CBFB: variants seen among roughly 807,000 people sequenced by gnomAD.
CBFB encodes core-binding factor subunit beta.
A neutral mutation model predicts 30.4 loss-of-function variants in CBFB; 9 were observed. The ratio of observed to expected loss-of-function variants is 0.30; its 90% confidence interval spans 0.18 to 0.52. CBFB has a LOEUF of 0.52. Ranked by LOEUF, CBFB falls within the 20% of genes least tolerant of loss-of-function variation. The pLI is 0.97. For missense variants in CBFB, 170 were observed against 244.0 expected (o/e 0.70, Z 2.02); for synonymous variants, 94 against 84.0 (o/e 1.12, Z -0.65).
At chr16:67,068,863 AAT>A (rs1326844782) in intron 4 of CBFB, among the ~76,000 whole-genome samples, 6 of 152,218 alleles carry the variant, frequency 3.9e-5, no homozygotes, top group African/African-American at 1.4e-4. Context: ...GGCAGTGACT[AAT>A]TAAGTAGAGT....
intron 3 of CBFB, among the ~76,000 whole-genome samples, chr16:67,060,131 C>T (rs1358057822): frequency 6.6e-6 from 1 of 151,984 alleles, no homozygotes; most frequent in Non-Finnish European, 1.5e-5. Flanking sequence ...TTGTGTGACA[C>T]CACACCTGGC....
rs540208612 is a variant in CBFB, at chr16:67,045,529, T to C, written c.282+8774T>C. Among the ~76,000 whole-genome samples the C allele has an allele frequency of 4.6e-3, 702 of 151,334 alleles. 4 individuals carry two copies. Among genetic ancestry groups the C allele is most frequent in the Non-Finnish European group, 8.1e-3 (546 of 67,802 alleles). On this transcript the variant is annotated intron_variant, in intron 3 of 5. Coordinates refer to ENST00000412916, the MANE Select transcript of CBFB (RefSeq NM_022845.3). ...AAGACTCTGTCTGAAAAAAAAAAAATTAAAATGTTTTAAAATTAGTATGTC... is the reference window on the plus strand; with the variant it reads ...AAGACTCTGTCTGAAAAAAAAAAAACTAAAATGTTTTAAAATTAGTATGTC...
At position 67,099,139 on chromosome 16, in the gene CBFB, G is replaced by C. The variant is rs963216543; in HGVS notation, c.*361G>C. The C allele has an allele frequency of 8.1e-5, 21 of 258,772 alleles. No homozygotes were observed. Among genetic ancestry groups the C allele is most frequent in the African/African-American group, 4.3e-4 (20 of 46,026 alleles). 16.0% of individuals were successfully genotyped at this position (258,772 alleles called of 1,614,324 possible). On this transcript the variant is annotated 3_prime_UTR_variant, in exon 6 of 6. Coordinates refer to ENST00000412916, the MANE Select transcript of CBFB (RefSeq NM_022845.3). The stretch of plus-strand genomic sequence containing the variant: ...AAGTCAAGAAATTAAAATTGTATCA[G>C]AGGGTTTTCTCTAATCATTTTTTCT...
intron 5 of CBFB, among the ~76,000 whole-genome samples, chr16:67,097,677 A>G (rs887810008): frequency 6.6e-6 from 1 of 152,190 alleles, no homozygotes; most frequent in Admixed American, 6.5e-5. Context: ...TATAATTAGT[A>G]GAACATATAC....
At chr16:67,029,559 G>A (rs1966294369) in intron 1 of CBFB, 74 bp downstream of exon 1, 3 of 1,462,794 alleles carry the variant, frequency 2.1e-6, no homozygotes, top group Admixed American at 4.2e-5. Context: ...AAGTTTGGGC[G>A]GCACGGTCCC....
At chr16:67,036,899 AAT>A (rs1429566208) in intron 3 of CBFB, 144 bp downstream of exon 3, 10 of 591,828 alleles carry the variant, frequency 1.7e-5, no homozygotes, top group Non-Finnish European at 3.0e-5. Flanking sequence ...ATAAGGATGT[AAT>A]ATAATTTTTT....
At chr16:67,081,763 C>T (rs1425947781) in intron 4 of CBFB, among the ~76,000 whole-genome samples, 2 of 151,528 alleles carry the variant, frequency 1.3e-5, no homozygotes, top group African/African-American at 2.4e-5. Flanking sequence ...TTGTGGTGAG[C>T]TATGATTCCA....
chr16:67,077,222 G>T (rs747092659), intron 4 of CBFB, among the ~76,000 whole-genome samples: 1 of 151,960 alleles, frequency 6.6e-6, no homozygotes, highest in Non-Finnish European at 1.5e-5. Context: ...AATATTTCAC[G>T]TTCAGTATAA....
At chr16:67,082,394 C>T (rs1211944021) in intron 5 of CBFB, 86 bp downstream of exon 5, 11 of 1,478,256 alleles carry the variant, frequency 7.4e-6, no homozygotes, top group Admixed American at 2.0e-5. Flanking sequence ...GTGCATAATG[C>T]TTTTTAATAG....
intron 3 of CBFB, among the ~76,000 whole-genome samples, chr16:67,052,697 C>T (rs1416250604): frequency 6.6e-6 from 1 of 151,732 alleles, no homozygotes; most frequent in African/African-American, 2.4e-5. Flanking sequence ...TATGGTGGCT[C>T]ACACCTATAA....
intron 4 of CBFB, among the ~76,000 whole-genome samples, chr16:67,074,501 G>C (rs1961329906): frequency 6.6e-6 from 1 of 151,368 alleles, no homozygotes; most frequent in Admixed American, 6.6e-5. Context: ...TCCTGCCTCA[G>C]CCTCCCAAGT....
chr16:67,094,723 T>G (rs1010695043), intron 5 of CBFB, among the ~76,000 whole-genome samples: 5 of 152,228 alleles, frequency 3.3e-5, no homozygotes, highest in Non-Finnish European at 7.3e-5. Context: ...TTTTGCAGAA[T>G]TGATCTGTCC....
intron 3 of CBFB, among the ~76,000 whole-genome samples, chr16:67,063,942 A>G (rs915616800): frequency 6.6e-6 from 1 of 152,194 alleles, no homozygotes; most frequent in Non-Finnish European, 1.5e-5. Flanking sequence ...ACAGATTTTT[A>G]TATAATTAAA....
chr16:67,066,439 A>G (rs1961058093), intron 3 of CBFB, among the ~76,000 whole-genome samples: 1 of 149,302 alleles, frequency 6.7e-6, no homozygotes, highest in African/African-American at 2.5e-5. Context: ...GAGCGCCTGT[A>G]ATCCCAGCTA....
chr16:67,029,518 C>A, intron 1 of CBFB, 33 bp downstream of exon 1: 1 of 1,563,094 alleles, frequency 6.4e-7, no homozygotes, highest in Non-Finnish European at 8.7e-7. Flanking sequence ...TAGGAGGCCG[C>A]AGCGCGCCCC....
intron 4 of CBFB, among the ~76,000 whole-genome samples, chr16:67,074,075 A>G (rs993043361): frequency 5.3e-5 from 8 of 152,182 alleles, no homozygotes. Flanking sequence ...TTTGCAGAAG[A>G]TGCATGTACT....
At position 67,098,421 on chromosome 16, in the gene CBFB, G is replaced by A. The variant is rs144634830; in HGVS notation, c.496-289G>A. ...CAAAGTTCTGGGATTACAGGCATGA[G>A]CCACTGCGCCCAGTGCTAGATTTGT... On this transcript the variant is annotated intron_variant, in intron 5 of 5. Coordinates refer to ENST00000412916, the MANE Select transcript of CBFB (RefSeq NM_022845.3). 5.7e-3 allele frequency among the ~76,000 whole-genome samples: 869 copies of A among 152,306 alleles called. 3 individuals carry two copies. Among genetic ancestry groups the A allele is most frequent in the African/African-American group, 0.02 (812 of 41,560 alleles).
chr16:67,058,408 C>T lies in CBFB; in HGVS notation c.283-8274C>T, dbSNP rs542526363. ...CACCCACCTCAGCCTTCCAAAGTGC[C>T]GGGATCACAGGCGTGAACCACCACG... On this transcript the variant is annotated intron_variant, in intron 3 of 5. Coordinates refer to ENST00000412916, the MANE Select transcript of CBFB (RefSeq NM_022845.3). Among the ~76,000 whole-genome samples, 15 of 152,238 alleles carry T rather than the reference C, an allele frequency of 9.9e-5. No homozygotes were observed. The South Asian group carries it at 1.5e-3, about 15-fold the overall frequency.
At chr16:67,058,588 T>C (rs1960800975) in intron 3 of CBFB, among the ~76,000 whole-genome samples, 1 of 152,212 alleles carries the variant, frequency 6.6e-6, no homozygotes, top group Non-Finnish European at 1.5e-5. Context: ...TTATAAGCAT[T>C]TCCTGCACAT....
Sources: allele counts gnomAD v4.1 joint callset (sites outside exome capture counted in the v4.1 genomes callset), GRCh38; gene constraint gnomAD v4.1.1; transcripts MANE v1.5; gene names NCBI Gene and HGNC (gene_info 2026-07-23, HGNC 2026-07-21).